Variants in GAL3ST1 observed in about 807,000 individuals in gnomAD.
The protein encoded by GAL3ST1 is galactosylceramide sulfotransferase.
GAL3ST1 carries 13 observed loss-of-function variants against 25.0 expected under a neutral mutation model. That is an observed-to-expected ratio of 0.52 (90% confidence interval 0.34 to 0.83). The LOEUF (loss-of-function observed/expected upper bound fraction) is 0.83. GAL3ST1 is among the 40% of genes least tolerant of loss of function. GAL3ST1 has a pLI of 0.02. For synonymous variants in GAL3ST1, 274 were observed against 277.8 expected (o/e 0.99, Z 0.14); for missense variants, 474 against 613.6 (o/e 0.77, Z 2.40).
intron 1 of GAL3ST1, among the ~76,000 whole-genome samples, chr22:30,563,563 C>T (rs1342711565): frequency 6.6e-6 from 1 of 152,074 alleles, no homozygotes; most frequent in Non-Finnish European, 1.5e-5. Flanking sequence ...CTGCAGTGAG[C>T]CATGATCGTG....
At chr22:30,557,554 G>T in intron 2 of GAL3ST1, 153 bp from the exon 3 acceptor site, 1 of 720,156 alleles carries the variant, frequency 1.4e-6, no homozygotes, top group Non-Finnish European at 2.3e-6. Context: ...TGGAGAGATA[G>T]ACTGACAACC....
intron 3 of GAL3ST1, 56 bp from the exon 4 acceptor site, chr22:30,556,149 C>G (rs549068393): frequency 2.9e-6 from 4 of 1,374,056 alleles, no homozygotes; most frequent in Admixed American, 1.9e-5. Flanking sequence ...GCCCTCAGGA[C>G]TCTGGTAGTT....
intron 1 of GAL3ST1, among the ~76,000 whole-genome samples, chr22:30,559,101 T>G (rs939896376): frequency 1.3e-5 from 2 of 151,818 alleles, no homozygotes; most frequent in Non-Finnish European, 2.9e-5. Context: ...GAGGTTGCAG[T>G]GAGCCAAGAT....
chr22:30,563,712 G>A (rs995015169), intron 1 of GAL3ST1, among the ~76,000 whole-genome samples: 6 of 151,614 alleles, frequency 4.0e-5, no homozygotes, highest in Admixed American at 1.3e-4. Context: ...AGAAGATCGA[G>A]ACCATCCTGG....
chr22:30,559,077 G>A (rs892606862), intron 1 of GAL3ST1, among the ~76,000 whole-genome samples: 9 of 151,726 alleles, frequency 5.9e-5, no homozygotes, highest in African/African-American at 2.2e-4. Flanking sequence ...AGAATCGCTT[G>A]AACCCAGGAG....
chr22:30,557,033 C>T (rs1378393385), intron 3 of GAL3ST1, among the ~76,000 whole-genome samples: 1 of 152,228 alleles, frequency 6.6e-6, no homozygotes, highest in East Asian at 1.9e-4. Context: ...CCGTGCCCAG[C>T]CGAAAGGCTC....
intron 1 of GAL3ST1, among the ~76,000 whole-genome samples, chr22:30,567,864 G>A (rs774009768): frequency 4.6e-5 from 7 of 151,734 alleles, no homozygotes; most frequent in Non-Finnish European, 1.0e-4. Flanking sequence ...TGTATTTTTA[G>A]TAGAGACAGG....
At chr22:30,566,632 C>G (rs183966864) in intron 1 of GAL3ST1, among the ~76,000 whole-genome samples, 142 of 151,642 alleles carry the variant, frequency 9.4e-4, no homozygotes, top group Middle Eastern at 6.8e-3. Flanking sequence ...TTTCTTGAGA[C>G]AGAGTCTCGC....
At position 30,554,819 on chromosome 22, in the gene GAL3ST1, C is replaced by G; in HGVS notation, c.*134G>C. 1.5e-6 allele frequency: 1 copy of G among 651,036 alleles called. No individual in the cohort carries two copies. Among genetic ancestry groups the G allele is most frequent in the South Asian group, 2.3e-5 (1 of 44,082 alleles). 40.3% of individuals were successfully genotyped at this position (651,036 alleles called of 1,614,324 possible). A position where few individuals can be genotyped will look rare whatever the true frequency, so the allele number is the denominator to read the frequency against. Reference sequence around the variant, plus strand: ...GCCCAGTCTTGGCTGGCTGCCTCCCCCCAGGGAGCCCCCCCTCACCCCGGG... The same window carrying G: ...GCCCAGTCTTGGCTGGCTGCCTCCCGCCAGGGAGCCCCCCCTCACCCCGGG... On this transcript the variant is annotated 3_prime_UTR_variant, in exon 4 of 4. Coordinates refer to ENST00000406361, the MANE Select transcript of GAL3ST1 (RefSeq NM_001318104.2).
chr22:30,562,983 G>A (rs1353275399), intron 1 of GAL3ST1, among the ~76,000 whole-genome samples: 1 of 152,130 alleles, frequency 6.6e-6, no homozygotes, highest in East Asian at 1.9e-4. Context: ...GGGTGTGGTG[G>A]TGCGCACCTG....
intron 1 of GAL3ST1, chr22:30,563,189 T>C (rs2086503510): frequency 6.6e-6 from 1 of 152,094 alleles, no homozygotes; most frequent in Non-Finnish European, 1.5e-5. Flanking sequence ...TCCAAAACTT[T>C]TTGAATGCCT....
At chr22:30,570,294 G>C (rs1328121210) in intron 1 of GAL3ST1, among the ~76,000 whole-genome samples, 1 of 152,198 alleles carries the variant, frequency 6.6e-6, no homozygotes, top group Non-Finnish European at 1.5e-5. Flanking sequence ...GATGTTCGTA[G>C]TGCAGATTTG....
At chr22:30,571,477 G>A (rs2086783711) in intron 1 of GAL3ST1, among the ~76,000 whole-genome samples, 1 of 152,196 alleles carries the variant, frequency 6.6e-6, no homozygotes, top group Admixed American at 6.5e-5. Context: ...GATGCAGGTG[G>A]TAGCTGGCCC....
At chr22:30,567,728 T>C (rs2086666451) in intron 1 of GAL3ST1, among the ~76,000 whole-genome samples, 1 of 152,076 alleles carries the variant, frequency 6.6e-6, no homozygotes, top group Non-Finnish European at 1.5e-5. Context: ...TTGTCACCCA[T>C]GCTGGAGTGC....
chr22:30,569,808 CG>C (rs1373004018), intron 1 of GAL3ST1, among the ~76,000 whole-genome samples: 2 of 152,296 alleles, frequency 1.3e-5, no homozygotes, highest in East Asian at 3.9e-4. Flanking sequence ...ATTCCCCAGC[CG>C]GGCACGGTGG....
At position 30,574,523 on chromosome 22, in the gene GAL3ST1, G is replaced by A. The variant is rs1457224920; in HGVS notation, c.-177C>T. ...TGGCTCGGCCCGGGCCGCGCCGCCC[G>A]GGCGCTCACTGGGCGGCGGGGCGCA... On this transcript the variant is annotated 5_prime_UTR_variant, in exon 1 of 4. Coordinates refer to ENST00000406361, the MANE Select transcript of GAL3ST1 (RefSeq NM_001318104.2). The A allele has an allele frequency of 6.7e-6, 1 of 148,158 alleles. No homozygotes were observed. Among genetic ancestry groups the A allele is most frequent in the Non-Finnish European group, 1.5e-5 (1 of 66,704 alleles). The allele number at this position is 148,158 out of a possible 1,614,324, so 9.2% of individuals were successfully genotyped here. A position where few individuals can be genotyped will look rare whatever the true frequency, so the allele number is the denominator to read the frequency against.
At chr22:30,566,635 A>T (rs2086633560) in intron 1 of GAL3ST1, among the ~76,000 whole-genome samples, 1 of 151,598 alleles carries the variant, frequency 6.6e-6, no homozygotes, top group African/African-American at 2.4e-5. Context: ...CTTGAGACAG[A>T]GTCTCGCTCT....
rs200185603 is a variant in GAL3ST1 at position 30,555,664 on chromosome 22, G to C, written c.561C>G (p.Leu187=). 3.2e-5 allele frequency: 51 copies of C among 1,613,764 alleles called. No individual in the cohort carries two copies. In the African/African-American group the frequency reaches 5.1e-4, roughly 16 times the overall value. ...ACTCGGTCAGCTTGTCGCCGGCCGAGAGCTTCCACGTGAGGGGCACCACCG... is the reference window on the plus strand; with the variant it reads ...ACTCGGTCAGCTTGTCGCCGGCCGACAGCTTCCACGTGAGGGGCACCACCG... ...FGPVVPLTWK[L]SAGDKLTEFL... is the part of the protein sequence containing the mutation. The change falls in exon 4 of 4, where the codon CTC becomes CTG. Residue 187 remains leucine, a synonymous_variant. Coordinates refer to ENST00000406361, the MANE Select transcript of GAL3ST1 (RefSeq NM_001318104.2). The surrounding 1 kb of genome is among the most constrained non-coding windows in gnomAD (Gnocchi z 8.6).
chr22:30,564,600 G>A (rs1049329443), intron 1 of GAL3ST1, among the ~76,000 whole-genome samples: 26 of 152,216 alleles, frequency 1.7e-4, no homozygotes. Flanking sequence ...CTGCATCAGT[G>A]CAGGCAGCTG....
Sources: allele counts gnomAD v4.1 joint callset (sites outside exome capture counted in the v4.1 genomes callset), GRCh38; gene constraint gnomAD v4.1.1; non-coding constraint Gnocchi (gnomAD v3.1); transcripts MANE v1.5; gene names NCBI Gene and HGNC (gene_info 2026-07-23, HGNC 2026-07-21).